Variants in TCHH observed in about 807,000 individuals in gnomAD.
TCHH encodes the protein trichohyalin.
A neutral mutation model predicts 6.3 loss-of-function variants in TCHH; 6 were observed. The observed-to-expected ratio is 0.95, with a 90% confidence interval of 0.52 to 1.88. The LOEUF (loss-of-function observed/expected upper bound fraction) is 1.88, where lower values mean the gene tolerates loss of function less well. Among genes scored for constraint, TCHH ranks in the 40% most tolerant of loss-of-function variants. The pLI is 0.01. For synonymous variants in TCHH, 1,087 were observed against 963.6 expected (o/e 1.13, Z -2.37); for missense variants, 2,920 against 2,449.1 (o/e 1.19, Z -4.06).
rs1008842973 is a variant in TCHH, at chr1:152,109,179, C to T, written c.4038G>A (p.Gln1346=). Residue 1346 remains glutamine, a synonymous_variant, in exon 3 of 3, where the codon CAG becomes CAA. Transcript: ENST00000614923. ...RKFREEEQLL[Q]EREEQPLRRQ... is the part of the protein sequence containing the mutation. ...GGCGCAGCGGCTGTTCCTCCCTTTC[C>T]TGGAGCAGCTGTTCCTCCTCGCGGA... 1.2e-6 allele frequency: 2 copies of T among 1,613,542 alleles called. No individual in the cohort carries two copies. Among genetic ancestry groups the T allele is most frequent in the Admixed American group, 1.7e-5 (1 of 59,978 alleles).
Position 152,112,718 on chromosome 1 carries a change from G to T in TCHH, c.499C>A (p.Gln167Lys). ...CGCCACAGCTCCTCGTCGCGGCGCTGCCTGTCGCGCTGTTCAAGTCGCTCT... is the reference window on the plus strand; with the variant it reads ...CGCCACAGCTCCTCGTCGCGGCGCTTCCTGTCGCGCTGTTCAAGTCGCTCT... ...KQERLEQRDR[Q>K]RRDEELWRQR... Residue 167 changes from glutamine (Q) to lysine (K), a missense_variant, in exon 3 of 3, where the codon CAG becomes AAG. Gln to Lys is a moderately conservative substitution (Grantham distance 53). Transcript: ENST00000614923. The T allele has an allele frequency of 6.2e-7, 1 of 1,614,080 alleles. No individual in the cohort carries two copies. Among genetic ancestry groups the T allele is most frequent in the Non-Finnish European group, 8.5e-7 (1 of 1,180,016 alleles).
Position 152,109,034 on chromosome 1 carries a change from C to A in TCHH, c.4183G>T (p.Glu1395Ter). Reference sequence around the variant, plus strand: ...TCCTGGCAGCGCAGCTGCTGTTCCTCCTTAAGGAATTTTCTCTCCCGTTCC... The same window carrying A: ...TCCTGGCAGCGCAGCTGCTGTTCCTACTTAAGGAATTTTCTCTCCCGTTCC... ...RQERERKFLK[E>*]EQQLRCQERE... Residue 1395 changes from glutamate (E) to a stop codon, truncating the protein, a stop_gained, in exon 3 of 3, where the codon GAG (glutamate) becomes TAG (stop). Coordinates refer to ENST00000614923, the MANE Select transcript of TCHH (RefSeq NM_007113.4). LOFTEE classifies it low-confidence loss of function (END_TRUNC). 6.2e-7 allele frequency: 1 copy of A among 1,613,740 alleles called. No individual in the cohort carries two copies. The highest frequency in any genetic ancestry group is 8.5e-7 in the Non-Finnish European group (1 of 1,179,850).
chr1:152,109,238 CTT>C lies in TCHH; in HGVS notation c.3977_3978del (p.Glu1326GlyfsTer33). The C allele has an allele frequency of 6.2e-7, 1 of 1,614,258 alleles. No homozygotes were observed. The highest frequency in any genetic ancestry group is 8.5e-7 in the Non-Finnish European group (1 of 1,180,054). On this transcript the variant is annotated frameshift_variant, in exon 3 of 3. Transcript: ENST00000614923. LOFTEE classifies it low-confidence loss of function (END_TRUNC). ...TCTGTCTCTTGACGGCGTCTCTTCT[CTT>C]CTCTTTCCTCTCTCAGCAACTGCTT... is the stretch of plus-strand genomic sequence containing the variant. ...EEKQLLREER[E>X]EKRRRQETDR...
Position 152,108,206 on chromosome 1 carries a change from C to CA in TCHH, c.5010dup (p.Glu1671Ter). 1 of 1,609,420 alleles carries CA rather than the reference C, an allele frequency of 6.2e-7. No individual in the cohort carries two copies. The highest frequency in any genetic ancestry group is 1.7e-5 in the Admixed American group (1 of 59,646). ...CCTTCCTGGAGCAGCTGTTCCTCTT[C>CA]ACGGAATTTTCTGTCGCGGTCGTGA... On this transcript the variant is annotated frameshift_variant, in exon 3 of 3. Coordinates refer to ENST00000614923, the MANE Select transcript of TCHH (RefSeq NM_007113.4). LOFTEE classifies it low-confidence loss of function (END_TRUNC).
rs756917336 is a variant in TCHH at position 152,111,726 on chromosome 1, G to C, written c.1491C>G (p.Arg497=). The change falls in exon 3 of 3, where the codon CGC becomes CGG. Residue 497 remains arginine, a synonymous_variant. Transcript: ENST00000614923. The stretch of plus-strand genomic sequence containing the variant: ...GCTGCTCGCGCCTCTCCTGCTGCTC[G>C]CGCCTCTCCTCCTCCTCGAGCTTCA... The part of the protein sequence containing the change: ...RWLKLEEEER[R]EQQERREQQL... 1.9e-6 allele frequency: 3 copies of C among 1,585,398 alleles called. No individual in the cohort carries two copies. The highest frequency in any genetic ancestry group is 1.7e-6 in the Non-Finnish European group (2 of 1,167,070).
chr1:152,112,371 C>T lies in TCHH; in HGVS notation c.846G>A (p.Glu282=). ...QEEEEQLRKL[E]RQELRRERQE... ...GGCGCTCCCTCCTCAGCTCTTGCCG[C>T]TCCAGCTTCCGTAGCTGCTCTTCTT... is the stretch of plus-strand genomic sequence containing the variant. The change falls in exon 3 of 3, where the codon GAG becomes GAA. Residue 282 remains glutamate (E), a synonymous_variant. Transcript: ENST00000614923. The T allele has an allele frequency of 6.2e-7, 1 of 1,613,788 alleles. No individual in the cohort carries two copies. The highest frequency in any genetic ancestry group is 1.1e-5 in the South Asian group (1 of 91,080).
In TCHH at chr1:152,111,837, G is replaced by A; in HGVS notation, c.1380C>T (p.Arg460=). 6.7e-7 allele frequency: 1 copy of A among 1,496,462 alleles called. No individual in the cohort carries two copies. Among genetic ancestry groups the A allele is most frequent in the Non-Finnish European group, 8.9e-7 (1 of 1,126,092 alleles). 92.7% of individuals were successfully genotyped at this position (1,496,462 alleles called of 1,614,324 possible). A position where few individuals can be genotyped will look rare whatever the true frequency, so the allele number is the denominator to read the frequency against. Residue 460 remains arginine (R), a synonymous_variant, in exon 3 of 3, where the codon CGC becomes CGT. Transcript: ENST00000614923. ...GCTCGTGCCTCTCCGTCTCCTCCTCGCGCTTCAGCCAATCGCGCCTCTCCT... is the reference window on the plus strand; with the variant it reads ...GCTCGTGCCTCTCCGTCTCCTCCTCACGCTTCAGCCAATCGCGCCTCTCCT... The part of the protein sequence containing the change: ...EQEERRDWLK[R]EEETERHEQE...
rs1395420382 is a variant in TCHH at position 152,114,707 on chromosome 1, G to A, written c.-31-596C>T. 3.3e-5 allele frequency among the ~76,000 whole-genome samples: 5 copies of A among 152,166 alleles called. No homozygotes were observed. The East Asian group carries it at 9.6e-4, about 29-fold the overall frequency. The stretch of plus-strand genomic sequence containing the variant: ...AAATAGTACTTCTTCCTAGTCAAAA[G>A]ATGGCATTGTAACATTCAGATACAC... On this transcript the variant is annotated intron_variant, in intron 1 of 2. Transcript: ENST00000614923.
rs765342653 is a variant in TCHH at position 152,112,864 on chromosome 1, T to C, written c.353A>G (p.Asp118Gly). Residue 118 changes from aspartate (D) to glycine (G), a missense_variant, in exon 3 of 3, where the codon GAC becomes GGC. Transcript: ENST00000614923. ...GTCCCGGGGCTCGAATCTCCTTTGG[T>C]CTTCTTCTTGCCTGCGATCTTGTAA... is the stretch of plus-strand genomic sequence containing the variant. ...SLLQDRRQEE[D>G]QRRFEPRDRQ... 1.2e-6 allele frequency: 2 copies of C among 1,613,694 alleles called. No homozygotes were observed. Among genetic ancestry groups the C allele is most frequent in the Non-Finnish European group, 1.7e-6 (2 of 1,179,896 alleles).
chr1:152,115,245 G>T (rs1360626795), intron 1 of TCHH, 146 bp downstream of exon 1: 2 of 152,154 alleles, frequency 1.3e-5, no homozygotes, highest in African/African-American at 4.8e-5. Flanking sequence ...TAAGAAGATG[G>T]GATAGAGTTA....
rs201786902 is a variant in TCHH at position 152,111,228 on chromosome 1, C to G, written c.1989G>C (p.Glu663Asp). 2.7e-5 allele frequency: 43 copies of G among 1,608,234 alleles called. No individual in the cohort carries two copies. The highest frequency in any genetic ancestry group is 3.7e-5 in the Non-Finnish European group (43 of 1,177,502). Residue 663 changes from glutamate to aspartate, a missense_variant, in exon 3 of 3, where the codon GAG becomes GAC. By Grantham distance (45) the Glu-to-Asp change is conservative (BLOSUM62 2). Coordinates refer to ENST00000614923, the MANE Select transcript of TCHH (RefSeq NM_007113.4). ...ERREQRLKRE[E>D]EEERLEQRLK... ...GCCGCTGCTCGAGCCTCTCTTCCTC[C>G]TCCTCGCGCTTCAGCCGCTGCTCGC...
rs1269353167 is a variant in TCHH, at chr1:152,107,870, T to A, written c.5347A>T (p.Arg1783Trp). Residue 1783 changes from arginine to tryptophan, a missense_variant, in exon 3 of 3, where the codon AGG becomes TGG. By Grantham distance (101) the Arg-to-Trp change is moderately radical. Coordinates refer to ENST00000614923, the MANE Select transcript of TCHH (RefSeq NM_007113.4). The stretch of plus-strand genomic sequence containing the variant: ...TGGCTGCGCAGCTGCTGTTCCTCCC[T>A]CTCCTGGCGGAGCTGTTCCTCCTCG... ...FREEEQLRQE[R>W]EEQQLRSQES... 1 of 1,612,072 alleles carries A rather than the reference T, an allele frequency of 6.2e-7. No individual in the cohort carries two copies. Among genetic ancestry groups the A allele is most frequent in the Non-Finnish European group, 8.5e-7 (1 of 1,179,506 alleles).
rs752133381 is a variant in TCHH at position 152,109,227 on chromosome 1, G to C, written c.3990C>G (p.Arg1330=). The change falls in exon 3 of 3, where the codon CGC becomes CGG. Residue 1330 remains arginine (R), a synonymous_variant. Coordinates refer to ENST00000614923, the MANE Select transcript of TCHH (RefSeq NM_007113.4). ...GGAATTTTCTGTCTGTCTCTTGACG[G>C]CGTCTCTTCTCTTCTCTTTCCTCTC... ...LLREEREEKR[R]RQETDRKFRE... is the part of the protein sequence containing the mutation. 3 of 1,614,112 alleles carry C rather than the reference G, an allele frequency of 1.9e-6. No individual in the cohort carries two copies. The highest frequency in any genetic ancestry group is 2.5e-6 in the Non-Finnish European group (3 of 1,180,050).
chr1:152,110,703 C>T lies in TCHH; in HGVS notation c.2514G>A (p.Glu838=). ...EKELQFLEEE[E]QLQRRERAQQ... ...GGGCACGCTCCCGCCGCTGGAGCTG[C>T]TCCTCTTCCTCCAGGAACTGCAGCT... The change falls in exon 3 of 3, where the codon GAG becomes GAA. Residue 838 remains glutamate (E), a synonymous_variant. Coordinates refer to ENST00000614923, the MANE Select transcript of TCHH (RefSeq NM_007113.4). 1 of 1,612,266 alleles carries T rather than the reference C, an allele frequency of 6.2e-7. No homozygotes were observed. The highest frequency in any genetic ancestry group is 2.2e-5 in the East Asian group (1 of 44,860).
At position 152,112,220 on chromosome 1, in the gene TCHH, C is replaced by T; in HGVS notation, c.997G>A (p.Glu333Lys). ...CGCCTCAGCTGCTGCTCGCGCCTCT[C>T]CTCCTGCTGCTCGCGCCTCTCCTGC... Reference protein sequence around the residue: ...EQQERREQQEERREQQLRREQ... With the variant: ...EQQERREQQEKRREQQLRREQ... Residue 333 changes from glutamate (E) to lysine (K), a missense_variant, in exon 3 of 3, where the codon GAG becomes AAG. Coordinates refer to ENST00000614923, the MANE Select transcript of TCHH (RefSeq NM_007113.4). The T allele has an allele frequency of 7.6e-7, 1 of 1,324,182 alleles. No homozygotes were observed. Among genetic ancestry groups the T allele is most frequent in the Non-Finnish European group, 1.0e-6 (1 of 985,610 alleles). The allele number at this position is 1,324,182 out of a possible 1,614,324, so 82.0% of individuals were successfully genotyped here. A position where few individuals can be genotyped will look rare whatever the true frequency, so the allele number is the denominator to read the frequency against.
chr1:152,107,433 G>A lies in TCHH; in HGVS notation c.5784C>T (p.Ser1928=). 3 of 1,611,476 alleles carry A rather than the reference G, an allele frequency of 1.9e-6. No individual in the cohort carries two copies. Among genetic ancestry groups the A allele is most frequent in the Non-Finnish European group, 2.5e-6 (3 of 1,178,656 alleles). ...HQFASVPVRS[S]PLYEYIQEQR... is the part of the protein sequence containing the mutation. ...GCTCTTGGATGTACTCATAGAGAGG[G>A]CTGGAGCGCACTGGGACACTGGCAA... Residue 1928 remains serine, a synonymous_variant, in exon 3 of 3, where the codon AGC becomes AGT. Coordinates refer to ENST00000614923, the MANE Select transcript of TCHH (RefSeq NM_007113.4).
chr1:152,109,746 T>G lies in TCHH; in HGVS notation c.3471A>C (p.Glu1157Asp), dbSNP rs1183322470. Residue 1157 changes from glutamate to aspartate, a missense_variant, in exon 3 of 3, where the codon GAA (glutamate) becomes GAC (aspartate). Transcript: ENST00000614923. ...QQEEEQLLRE[E>D]PEKRRRQELE... is the part of the protein sequence containing the mutation. ...GCTCCTGGCGCCTTCTCTTCTCCGG[T>G]TCCTCTCTCAGCAGCTGCTCTTCCT... 2.5e-6 allele frequency: 4 copies of G among 1,578,994 alleles called. No individual in the cohort carries two copies. The highest frequency in any genetic ancestry group is 3.4e-6 in the Non-Finnish European group (4 of 1,160,174).
In TCHH at chr1:152,111,758, G is replaced by C; in HGVS notation, c.1459C>G (p.Arg487Gly). ...TCCTCCTCCTCGAGCTTCAGCCAAC[G>C]TTCGCGCCTCTCCTCCTCCTGGTCG... ...KRDQEEERRE[R>G]WLKLEEEERR... Residue 487 changes from arginine (R) to glycine (G), a missense_variant, in exon 3 of 3, where the codon CGT becomes GGT. By Grantham distance (125) the Arg-to-Gly change is moderately radical. Coordinates refer to ENST00000614923, the MANE Select transcript of TCHH (RefSeq NM_007113.4). 1.3e-6 allele frequency: 2 copies of C among 1,525,468 alleles called. No individual in the cohort carries two copies. The highest frequency in any genetic ancestry group is 1.8e-6 in the Non-Finnish European group (2 of 1,137,064). The allele number at this position is 1,525,468 out of a possible 1,614,324, so 94.5% of individuals were successfully genotyped here. A position where few individuals can be genotyped will look rare whatever the true frequency, so the allele number is the denominator to read the frequency against.
Position 152,107,647 on chromosome 1 carries a change from C to T in TCHH, c.5570G>A (p.Ser1857Asn), listed in dbSNP as rs199722465. The T allele has an allele frequency of 1.9e-6, 3 of 1,614,182 alleles. No homozygotes were observed. The highest frequency in any genetic ancestry group is 2.5e-6 in the Non-Finnish European group (3 of 1,180,052). ...AEEQFATQEK[S>N]RREEQELWQE... is the part of the protein sequence containing the mutation. ...CCATAGTTCTTGTTCCTCACGACGA[C>T]TCTTCTCCTGCGTGGCAAACTGCTC... The change falls in exon 3 of 3, where the codon AGT becomes AAT. Residue 1857 changes from serine to asparagine, a missense_variant. Ser to Asn is a conservative substitution (Grantham distance 46). Coordinates refer to ENST00000614923, the MANE Select transcript of TCHH (RefSeq NM_007113.4).
Sources: gnomAD v4.1 joint callset for allele counts (sites outside exome capture counted in the v4.1 genomes callset) on GRCh38, gnomAD v4.1.1 for gene constraint, MANE v1.5 for transcripts, NCBI Gene and HGNC (gene_info 2026-07-23, HGNC 2026-07-21) for gene names.